The following HMBOX1 variants were observed in gnomAD, a reference collection of about 807,000 sequenced individuals.
The protein encoded by HMBOX1 is homeobox-containing protein 1.
In HMBOX1, 14 loss-of-function variants were observed where a neutral mutation model predicts 54.5. The observed-to-expected ratio is 0.26, with a 90% confidence interval of 0.17 to 0.40. The LOEUF is 0.40. HMBOX1 is among the 10% of genes least tolerant of loss of function. HMBOX1 has a pLI of 1.00. For missense variants in HMBOX1, 332 were observed against 514.4 expected (o/e 0.65, Z 3.43); for synonymous variants, 160 against 181.0 (o/e 0.88, Z 0.93).
chr8:28,902,848 G>C (rs765433502), intron 1 of HMBOX1, among the ~76,000 whole-genome samples: 3 of 152,140 alleles, frequency 2.0e-5, no homozygotes, highest in Non-Finnish European at 4.4e-5. Context: ...TTCTCAAAGA[G>C]CATGTATGAT....
intron 4 of HMBOX1, among the ~76,000 whole-genome samples, chr8:28,984,727 T>C (rs1345204343): frequency 6.6e-6 from 1 of 152,214 alleles, no homozygotes; most frequent in African/African-American, 2.4e-5. Context: ...GTATTCTGTA[T>C]TCACTTTCAG....
intron 1 of HMBOX1, among the ~76,000 whole-genome samples, chr8:28,933,842 A>G (rs1819920462): frequency 6.6e-6 from 1 of 152,218 alleles, no homozygotes; most frequent in Admixed American, 6.5e-5. Context: ...CTTTCGTGCA[A>G]AGAAAACTGC....
At chr8:28,927,019 G>A (rs949307443) in intron 1 of HMBOX1, among the ~76,000 whole-genome samples, 7 of 152,160 alleles carry the variant, frequency 4.6e-5, no homozygotes, top group African/African-American at 1.7e-4. Context: ...AGTAGGGATG[G>A]TTAATGGGTA....
chr8:28,952,402 T>A (rs1823625322), intron 1 of HMBOX1, among the ~76,000 whole-genome samples: 1 of 151,840 alleles, frequency 6.6e-6, no homozygotes, highest in African/African-American at 2.4e-5. Flanking sequence ...TCCGGCTAAT[T>A]TTTGTATTTT....
intron 1 of HMBOX1, among the ~76,000 whole-genome samples, chr8:28,905,117 C>A (rs1207624442): frequency 6.6e-6 from 1 of 152,154 alleles, no homozygotes; most frequent in African/African-American, 2.4e-5. Context: ...TAATAAGCAT[C>A]CTTGTCAGTT....
Position 28,968,271 on chromosome 8 carries a change from A to G in HMBOX1, c.24-1772A>G, listed in dbSNP as rs150373112. Among the ~76,000 whole-genome samples the G allele has an allele frequency of 3.5e-3, 531 of 152,356 alleles. 3 individuals carry two copies. Among genetic ancestry groups the G allele is most frequent in the African/African-American group, 0.012 (507 of 41,590 alleles). On this transcript the variant is annotated intron_variant, in intron 2 of 9. Coordinates refer to ENST00000287701, the MANE Select transcript of HMBOX1 (RefSeq NM_001135726.3). Reference sequence around the variant, plus strand: ...ATTTTAAATGTAGAAAACTATTACTAGGACCCCTAGGTTCATCAGTAATTA... The same window carrying G: ...ATTTTAAATGTAGAAAACTATTACTGGGACCCCTAGGTTCATCAGTAATTA...
At chr8:28,978,439 A>C (rs1341616828) in intron 3 of HMBOX1, among the ~76,000 whole-genome samples, 2 of 152,194 alleles carry the variant, frequency 1.3e-5, no homozygotes, top group African/African-American at 4.8e-5. Flanking sequence ...AAAGGACTAG[A>C]TAGTAAAAAT....
intron 1 of HMBOX1, among the ~76,000 whole-genome samples, chr8:28,944,048 A>C (rs1238261091): frequency 6.6e-6 from 1 of 152,134 alleles, no homozygotes; most frequent in Non-Finnish European, 1.5e-5. Flanking sequence ...CTGACTTTCT[A>C]CATATTCTAG....
At chr8:28,891,158 G>A (rs1810840475) in intron 1 of HMBOX1, 1 of 152,968 alleles carries the variant, frequency 6.5e-6, no homozygotes, top group Non-Finnish European at 1.5e-5. Context: ...CCTGGGCTGA[G>A]GGGCGGGCGT....
At chr8:28,904,037 A>G (rs1221011932) in intron 1 of HMBOX1, among the ~76,000 whole-genome samples, 1 of 152,188 alleles carries the variant, frequency 6.6e-6, no homozygotes, top group East Asian at 1.9e-4. Flanking sequence ...CAAAATGTCA[A>G]CAGTACTGGG....
intron 1 of HMBOX1, among the ~76,000 whole-genome samples, chr8:28,939,360 C>G (rs897964016): frequency 6.6e-6 from 1 of 151,668 alleles, no homozygotes. Flanking sequence ...AATTCAGCAG[C>G]TTTTGAATGG....
At chr8:28,929,101 C>T (rs1819033222) in intron 1 of HMBOX1, among the ~76,000 whole-genome samples, 1 of 152,144 alleles carries the variant, frequency 6.6e-6, no homozygotes, top group South Asian at 2.1e-4. Flanking sequence ...CATCACATTG[C>T]ATGCCTTAAA....
Position 29,051,261 on chromosome 8 carries a change from G to T in HMBOX1, c.*106G>T, listed in dbSNP as rs1441336075. 5 of 1,233,222 alleles carry T rather than the reference G, an allele frequency of 4.1e-6. No individual in the cohort carries two copies. The East Asian group carries it at 1.2e-4, about 29-fold the overall frequency. The allele number at this position is 1,233,222 out of a possible 1,614,324, so 76.4% of individuals were successfully genotyped here. ...CTTACAGTATAACTTGCAGTTTCTT[G>T]TATGTCAGGTAGCTGTTAGGGTCTT... On this transcript the variant is annotated 3_prime_UTR_variant, in exon 10 of 10. Coordinates refer to ENST00000287701, the MANE Select transcript of HMBOX1 (RefSeq NM_001135726.3).
At chr8:29,011,986 A>T (rs537532893) in intron 5 of HMBOX1, among the ~76,000 whole-genome samples, 2 of 152,224 alleles carry the variant, frequency 1.3e-5, no homozygotes, top group Admixed American at 6.5e-5. Flanking sequence ...TTTAAAAACC[A>T]AATCCTAACT....
chr8:28,924,194 C>T (rs376193011), intron 1 of HMBOX1, among the ~76,000 whole-genome samples: 59 of 151,394 alleles, frequency 3.9e-4, no homozygotes, highest in Middle Eastern at 6.8e-3. Context: ...GCAAGCTCCG[C>T]CTCCCGGGTT....
At chr8:28,960,999 A>T (rs1192394455) in intron 1 of HMBOX1, among the ~76,000 whole-genome samples, 1 of 151,380 alleles carries the variant, frequency 6.6e-6, no homozygotes, top group African/African-American at 2.4e-5. Flanking sequence ...GTTGGCCAGG[A>T]TGGTCTCGAT....
intron 9 of HMBOX1, chr8:29,050,367 C>A: frequency 3.6e-6 from 1 of 274,776 alleles, no homozygotes; most frequent in African/African-American, 2.3e-5. Context: ...GCGGGGAGGA[C>A]AGCTTCACAC....
intron 3 of HMBOX1, among the ~76,000 whole-genome samples, chr8:28,979,654 G>A (rs1018730108): frequency 1.3e-5 from 2 of 152,080 alleles, no homozygotes; most frequent in Non-Finnish European, 2.9e-5. Flanking sequence ...GTTAACATGC[G>A]AGCCCACAAT....
At chr8:28,896,192 T>G (rs1162512219) in intron 1 of HMBOX1, among the ~76,000 whole-genome samples, 1 of 152,232 alleles carries the variant, frequency 6.6e-6, no homozygotes, top group African/African-American at 2.4e-5. Flanking sequence ...GCCCTTGAAG[T>G]GCTGGCAAGT....
Sources: gnomAD v4.1 joint callset for allele counts (sites outside exome capture counted in the v4.1 genomes callset) on GRCh38, gnomAD v4.1.1 for gene constraint, MANE v1.5 for transcripts, NCBI Gene and HGNC (gene_info 2026-07-23, HGNC 2026-07-21) for gene names.